Variants in EXOC6 observed in about 807,000 individuals in gnomAD.
The protein encoded by EXOC6 is exocyst complex component 6, also known as SEC15-like 1.
EXOC6 carries 60 observed loss-of-function variants against 112.5 expected under a neutral mutation model. The ratio of observed to expected loss-of-function variants is 0.53; its 90% CI spans 0.43 to 0.66. The LOEUF is 0.66. Among genes scored for constraint, EXOC6 ranks in the 30% least tolerant of loss-of-function variants. EXOC6 has a pLI of 0.00. For missense variants in EXOC6, 855 were observed against 957.1 expected (o/e 0.89, Z 1.41); for synonymous variants, 295 against 308.0 (o/e 0.96, Z 0.44).
intron 20 of EXOC6, among the ~76,000 whole-genome samples, chr10:93,032,499 A>G (rs936903758): frequency 4.6e-5 from 7 of 152,216 alleles, no homozygotes; most frequent in Non-Finnish European, 1.0e-4. Flanking sequence ...TCTCAAAGGC[A>G]GCATATGTGA....
chr10:92,897,739 A>G (rs529318189), intron 4 of EXOC6, among the ~76,000 whole-genome samples: 44 of 152,280 alleles, frequency 2.9e-4, no homozygotes, highest in Non-Finnish European at 4.3e-4. Flanking sequence ...TAAATTGTAT[A>G]TTCAGTGGAA....
At chr10:92,851,686 AAACC>A (rs957641228) in intron 1 of EXOC6, among the ~76,000 whole-genome samples, 4 of 151,964 alleles carry the variant, frequency 2.6e-5, no homozygotes, top group Non-Finnish European at 5.9e-5. Context: ...AAAAAAAACA[AAACC>A]AACCAACTAA....
chr10:92,848,441 C>A, upstream of EXOC6: 3 of 847,558 alleles, frequency 3.5e-6, no homozygotes, highest in Non-Finnish European at 4.4e-6. Context: ...GCGCCCCGCC[C>A]CCGCCCCGCC....
intron 14 of EXOC6, among the ~76,000 whole-genome samples, chr10:92,949,982 T>G (rs1853306489): frequency 6.6e-6 from 1 of 152,164 alleles, no homozygotes; most frequent in Non-Finnish European, 1.5e-5. Flanking sequence ...CTCAGTAATC[T>G]CTAATATCCC....
intron 18 of EXOC6, among the ~76,000 whole-genome samples, chr10:92,980,211 A>G (rs978601549): frequency 6.6e-6 from 1 of 152,182 alleles, no homozygotes; most frequent in African/African-American, 2.4e-5. Context: ...AGTTAGAAAT[A>G]CTTATATTTG....
upstream of EXOC6, among the ~76,000 whole-genome samples, chr10:92,844,212 C>G (rs7909200): frequency 3.7e-3 from 554 of 151,358 alleles, 3 homozygotes; most frequent in African/African-American, 0.013. Context: ...CTTAATACGA[C>G]AAGTATTTGC....
chr10:93,000,695 T>G (rs912906015), intron 19 of EXOC6, among the ~76,000 whole-genome samples: 2 of 152,190 alleles, frequency 1.3e-5, no homozygotes, highest in Non-Finnish European at 2.9e-5. Flanking sequence ...ATTACCTTAA[T>G]CATTACTTCT....
intron 1 of EXOC6, among the ~76,000 whole-genome samples, chr10:92,863,662 C>G (rs564657537): frequency 2.6e-5 from 4 of 151,962 alleles, no homozygotes; most frequent in African/African-American, 9.7e-5. Flanking sequence ...CCTGTAATCC[C>G]AGCACTTTGG....
At chr10:93,017,974 C>T (rs1327282034) in intron 20 of EXOC6, among the ~76,000 whole-genome samples, 2 of 147,492 alleles carry the variant, frequency 1.4e-5, no homozygotes, top group Admixed American at 1.4e-4. Flanking sequence ...TGTGCCATTG[C>T]ACTCCAGCTT....
intron 20 of EXOC6, among the ~76,000 whole-genome samples, chr10:93,036,775 A>G (rs1845534548): frequency 6.6e-6 from 1 of 152,254 alleles, no homozygotes; most frequent in African/African-American, 2.4e-5. Flanking sequence ...TTGGGCAAAT[A>G]CAGAATATTT....
upstream of EXOC6, among the ~76,000 whole-genome samples, chr10:92,830,755 G>A (rs146079880): frequency 1.2e-3 from 178 of 152,234 alleles, no homozygotes; most frequent in Non-Finnish European, 1.8e-3. Context: ...CTAGCCTAGG[G>A]TCACTTAAAC....
chr10:92,941,833 C>A (rs1852684190), intron 13 of EXOC6, among the ~76,000 whole-genome samples: 1 of 152,072 alleles, frequency 6.6e-6, no homozygotes, highest in South Asian at 2.1e-4. Context: ...GAGAAATATG[C>A]CCCCACACTT....
intron 19 of EXOC6, among the ~76,000 whole-genome samples, chr10:93,007,647 C>T (rs761056140): frequency 1.8e-4 from 28 of 152,114 alleles, no homozygotes; most frequent in Admixed American, 3.9e-4. Flanking sequence ...AGCGAGACTC[C>T]GTCTCCAAAA....
chr10:93,012,637 A>T lies in EXOC6; in HGVS notation c.2096-1557A>T, dbSNP rs539119565. Among the ~76,000 whole-genome samples the T allele has an allele frequency of 3.0e-4, 46 of 152,344 alleles. No individual in the cohort carries two copies. The South Asian group carries it at 9.5e-3, about 32-fold the overall frequency. ...TTTGAGCCTTTCTAAACTATATTTC[A>T]CACAGAATACACTAAATTTAAGAAT... On this transcript the variant is annotated intron_variant, in intron 19 of 21. Transcript: ENST00000260762.
At chr10:92,957,895 AT>A (rs1475184229) in intron 17 of EXOC6, among the ~76,000 whole-genome samples, 1 of 152,176 alleles carries the variant, frequency 6.6e-6, no homozygotes, top group Non-Finnish European at 1.5e-5. Flanking sequence ...GGCTGTAGAC[AT>A]TTGATTGGAT....
At chr10:92,940,380 A>G (rs1302888662) in intron 12 of EXOC6, among the ~76,000 whole-genome samples, 2 of 152,134 alleles carry the variant, frequency 1.3e-5, no homozygotes, top group African/African-American at 2.4e-5. Context: ...TTCTTCTTGT[A>G]TCCTTGGGCA....
At position 92,932,496 on chromosome 10, in the gene EXOC6, C is replaced by T. The variant is rs538760127; in HGVS notation, c.973-1648C>T. ...TTAGAAACAAACATAAACAGAAAAT[C>T]TTAAAGGTACCCAGAAAGAGGTTAT... On this transcript the variant is annotated intron_variant, in intron 9 of 21. Transcript: ENST00000260762. Among the ~76,000 whole-genome samples, 20 of 152,044 alleles carry T rather than the reference C, an allele frequency of 1.3e-4. No individual in the cohort carries two copies. The East Asian group carries it at 2.5e-3, about 19-fold the overall frequency.
At chr10:92,833,460 T>C (rs537201290), upstream of EXOC6, among the ~76,000 whole-genome samples, 1 of 152,294 alleles carries the variant, frequency 6.6e-6, no homozygotes, top group Non-Finnish European at 1.5e-5. Flanking sequence ...TTTTAGCTTA[T>C]GTATATCACT....
rs111227598 is a variant in EXOC6, at chr10:92,837,869, A to C, written c.86+3045A>C. On this transcript the variant is annotated intron_variant, in intron 1 of 21. Coordinates refer to the EXOC6 transcript ENST00000371552. ...CTTACACCTGGGAATTGAGGTAGAGAGAATACTGAAGCGTTTACCTACGTG... is the reference window on the plus strand; with the variant it reads ...CTTACACCTGGGAATTGAGGTAGAGCGAATACTGAAGCGTTTACCTACGTG... Among the ~76,000 whole-genome samples the C allele has an allele frequency of 8.7e-3, 1,322 of 152,318 alleles. 11 individuals carry two copies. Among genetic ancestry groups the C allele is most frequent in the Non-Finnish European group, 0.012 (834 of 68,030 alleles).
Sources: gnomAD v4.1 joint callset for allele counts (sites outside exome capture counted in the v4.1 genomes callset) on GRCh38, gnomAD v4.1.1 for gene constraint, MANE v1.5 for transcripts, NCBI Gene and HGNC (gene_info 2026-07-23, HGNC 2026-07-21) for gene names.